SOX6: variants seen among roughly 807,000 people sequenced by gnomAD.
The protein encoded by SOX6 is SRY-box transcription factor 6, also known as transcription factor SOX-6.
Under a neutral mutation model 97.8 loss-of-function variants are expected in SOX6, and 11 were observed. The ratio of observed to expected loss-of-function variants is 0.11; its 90% CI spans 0.07 to 0.19. The LOEUF (loss-of-function observed/expected upper bound fraction) is 0.19, where lower values mean the gene tolerates loss of function less well. SOX6 is among the 10% of genes least tolerant of loss of function. The probability of loss-of-function intolerance (pLI) is 1.00; values close to 1 mark genes in which losing one functional copy is unlikely to be tolerated. For missense variants in SOX6, 810 were observed against 1,039.5 expected (o/e 0.78, Z 3.04); for synonymous variants, 360 against 371.4 (o/e 0.97, Z 0.35).
In SOX6 at chr11:15,972,110, T is replaced by C. The variant is rs931642576; in HGVS notation, c.*699A>G. 1.3e-5 allele frequency: 2 copies of C among 152,872 alleles called. No individual in the cohort carries two copies. The highest frequency in any genetic ancestry group is 2.9e-5 in the Non-Finnish European group (2 of 68,240). 9.5% of individuals were successfully genotyped at this position (152,872 alleles called of 1,614,324 possible). A position where few individuals can be genotyped will look rare whatever the true frequency, so the allele number is the denominator to read the frequency against. ...TTACAATATCTTGTCTCCAGATTCC[T>C]GAGTACCTTACCATTTTCTGGAAAA... On this transcript the variant is annotated 3_prime_UTR_variant, in exon 16 of 16. Coordinates refer to ENST00000683767, the MANE Select transcript of SOX6 (RefSeq NM_001367873.1).
intron 7 of SOX6, among the ~76,000 whole-genome samples, chr11:16,100,672 A>C (rs1265277138): frequency 6.6e-6 from 1 of 151,540 alleles, no homozygotes; most frequent in East Asian, 1.9e-4. Context: ...GCTTGTACTA[A>C]GAACCTACAA....
intron 1 of SOX6, among the ~76,000 whole-genome samples, chr11:16,736,741 G>T (rs966965970): frequency 6.6e-6 from 1 of 152,158 alleles, no homozygotes; most frequent in African/African-American, 2.4e-5. Flanking sequence ...TAATTTCATT[G>T]TAACTAATAG....
intron 6 of SOX6, among the ~76,000 whole-genome samples, chr11:16,155,358 T>C (rs1399163442): frequency 1.3e-5 from 2 of 152,184 alleles, no homozygotes; most frequent in Non-Finnish European, 2.9e-5. Flanking sequence ...TTTTGTGATC[T>C]ATAAAAGGGA....
chr11:16,687,576 T>A (rs1329330149), intron 3 of SOX6, among the ~76,000 whole-genome samples: 1 of 152,232 alleles, frequency 6.6e-6, no homozygotes, highest in African/African-American at 2.4e-5. Context: ...TGTGCCACTA[T>A]GCCCGGCCTG....
intron 3 of SOX6, among the ~76,000 whole-genome samples, chr11:16,668,279 A>G (rs1464156169): frequency 7.2e-6 from 1 of 138,570 alleles, no homozygotes; most frequent in Non-Finnish European, 1.5e-5. Context: ...AGGCTGAGGC[A>G]GGAGAATTGC....
intron 3 of SOX6, among the ~76,000 whole-genome samples, chr11:16,236,809 G>C (rs1853038302): frequency 6.6e-6 from 1 of 151,900 alleles, no homozygotes; most frequent in South Asian, 2.1e-4. Flanking sequence ...GAGAAAAAGA[G>C]AGCTATATGA....
chr11:16,575,708 C>A (rs1413400773), intron 4 of SOX6, among the ~76,000 whole-genome samples: 1 of 151,964 alleles, frequency 6.6e-6, no homozygotes, highest in African/African-American at 2.4e-5. Context: ...GGCAGTAAAA[C>A]TATAAAGTAA....
At chr11:16,619,890 TG>T (rs1393529709) in intron 3 of SOX6, among the ~76,000 whole-genome samples, 1 of 152,166 alleles carries the variant, frequency 6.6e-6, no homozygotes, top group East Asian at 1.9e-4. Flanking sequence ...TGTATTTCAC[TG>T]TTAAGTTTCA....
chr11:16,656,612 C>T (rs1847720273), intron 3 of SOX6, among the ~76,000 whole-genome samples: 2 of 152,080 alleles, frequency 1.3e-5, no homozygotes, highest in Admixed American at 1.3e-4. Flanking sequence ...CTAATTCATA[C>T]TTTTTATACT....
chr11:16,117,522 G>C (rs949191322), intron 6 of SOX6, among the ~76,000 whole-genome samples: 1 of 152,104 alleles, frequency 6.6e-6, no homozygotes, highest in Admixed American at 6.5e-5. Flanking sequence ...CCCTCTCATA[G>C]CTTTCCATGT....
intron 1 of SOX6, among the ~76,000 whole-genome samples, chr11:16,458,315 C>A (rs1859850065): frequency 6.6e-6 from 1 of 151,926 alleles, no homozygotes. Context: ...CAATCTGCCA[C>A]AAGACACAGA....
intron 4 of SOX6, among the ~76,000 whole-genome samples, chr11:16,594,972 G>A (rs1375667663): frequency 2.6e-5 from 4 of 152,218 alleles, no homozygotes; most frequent in East Asian, 1.9e-4. Flanking sequence ...GATTACAGGC[G>A]TGAGCCACCG....
intron 3 of SOX6, among the ~76,000 whole-genome samples, chr11:16,618,023 A>G (rs1286172932): frequency 6.6e-6 from 1 of 151,896 alleles, no homozygotes; most frequent in African/African-American, 2.4e-5. Context: ...TTATTGCAAG[A>G]GATCCTTTTC....
At chr11:16,311,165 G>T (rs1787292785) in intron 3 of SOX6, 1 of 152,082 alleles carries the variant, frequency 6.6e-6, no homozygotes, top group Non-Finnish European at 1.5e-5. Flanking sequence ...CATCATTGCT[G>T]CCAAATGCTA....
intron 4 of SOX6, among the ~76,000 whole-genome samples, chr11:16,504,732 G>T (rs146995236): frequency 7.6e-4 from 116 of 152,126 alleles, no homozygotes; most frequent in African/African-American, 2.7e-3. Context: ...GAAAAGGCCT[G>T]GTGGGAGGCA....
At chr11:16,412,994 G>C (rs1259133620) in intron 1 of SOX6, among the ~76,000 whole-genome samples, 1 of 152,158 alleles carries the variant, frequency 6.6e-6, no homozygotes, top group African/African-American at 2.4e-5. Flanking sequence ...GGTACCAAAA[G>C]TGAAAGAAGG....
intron 3 of SOX6, among the ~76,000 whole-genome samples, chr11:16,245,856 G>A (rs567043447): frequency 6.6e-6 from 1 of 150,942 alleles, no homozygotes; most frequent in African/African-American, 2.4e-5. Context: ...ATATTAATTG[G>A]GTCTTGTTTT....
intron 1 of SOX6, among the ~76,000 whole-genome samples, chr11:16,472,977 T>C (rs1185575621): frequency 3.3e-5 from 5 of 152,326 alleles, no homozygotes; most frequent in South Asian, 2.1e-4. Context: ...TGCAAGTTAC[T>C]TAAATGTAGG....
chr11:16,560,530 T>TATATGTTTATACGTAC (rs879562961), intron 4 of SOX6, among the ~76,000 whole-genome samples: 1 of 103,116 alleles, frequency 9.7e-6, no homozygotes, highest in African/African-American at 3.4e-5. Context: ...TATACGTACA[T>TATATGTTTATACGTAC]ATATGTTTAT....
Sources: gnomAD v4.1 joint callset for allele counts (sites outside exome capture counted in the v4.1 genomes callset) on GRCh38, gnomAD v4.1.1 for gene constraint, MANE v1.5 for transcripts, NCBI Gene and HGNC (gene_info 2026-07-23, HGNC 2026-07-21) for gene names.